Variants in BRCA2 observed in about 807,000 individuals in gnomAD.
BRCA2 encodes the protein BRCA2 DNA repair associated.
BRCA2 carries 203 observed loss-of-function variants against 276.7 expected under a neutral mutation model. That is an observed-to-expected ratio of 0.73 (90% CI 0.65 to 0.82). The LOEUF (loss-of-function observed/expected upper bound fraction) is 0.82, where lower values mean the gene tolerates loss of function less well. BRCA2 is among the 40% of genes least tolerant of loss of function. BRCA2 has a pLI of 0.00. For missense variants in BRCA2, 3,920 were observed against 3,915.0 expected (o/e 1.00, Z -0.03); for synonymous variants, 1,289 against 1,338.4 (o/e 0.96, Z 0.81).
chr13:32,339,989 C>T lies in BRCA2; in HGVS notation c.5634C>T (p.Asn1878=), dbSNP rs80358784. ...DSFSKVIKEN[N]ENKSKICQTK... The stretch of plus-strand genomic sequence containing the variant: ...TCAGTAAAGTAATTAAGGAAAACAA[C>T]GAGAATAAATCAAAAATTTGCCAAA... The change falls in exon 11 of 27, where the codon AAC becomes AAT. Residue 1878 remains asparagine (N), a synonymous_variant. Coordinates refer to ENST00000380152, the MANE Select transcript of BRCA2 (RefSeq NM_000059.4). 4.3e-5 allele frequency: 70 copies of T among 1,611,650 alleles called. 1 individual carries two copies. Among genetic ancestry groups the T allele is most frequent in the Middle Eastern group, 3.3e-4 (2 of 6,066 alleles).
chr13:32,324,009 C>G (rs2072325324), intron 3 of BRCA2, among the ~76,000 whole-genome samples: 1 of 152,208 alleles, frequency 6.6e-6, no homozygotes, highest in African/African-American at 2.4e-5. Context: ...GTATTACTGT[C>G]TGCAACTCAC....
intron 24 of BRCA2, among the ~76,000 whole-genome samples, chr13:32,384,347 T>C (rs1162694529): frequency 1.3e-5 from 2 of 152,022 alleles, no homozygotes; most frequent in African/African-American, 2.4e-5. Flanking sequence ...AGAGGCCCCA[T>C]TGAAAGGATT....
At chr13:32,383,779 G>A (rs2072941286) in intron 24 of BRCA2, among the ~76,000 whole-genome samples, 1 of 152,028 alleles carries the variant, frequency 6.6e-6, no homozygotes, top group African/African-American at 2.4e-5. Flanking sequence ...GGGTTTTAGA[G>A]GGAGTGAACT....
rs886040730 is a variant in BRCA2, at chr13:32,362,527, CTG to C, written c.7815_7816del (p.Cys2605Ter). ...ATTCTACTTTTATTTGTTCAGGGCT[CTG>C]TGTGACACTCCAGGTGTGGATCCAA... is the stretch of plus-strand genomic sequence containing the variant. ...KAGKEEFYRA[L>X]CDTPGVDPKL... On this transcript the variant is annotated frameshift_variant, in exon 17 of 27. Coordinates refer to ENST00000380152, the MANE Select transcript of BRCA2 (RefSeq NM_000059.4). LOFTEE classifies it high-confidence loss of function. 1 of 1,613,564 alleles carries C rather than the reference CTG, an allele frequency of 6.2e-7. No individual in the cohort carries two copies. Among genetic ancestry groups the C allele is most frequent in the Admixed American group, 1.7e-5 (1 of 60,006 alleles).
chr13:32,340,991 T>C lies in BRCA2; in HGVS notation c.6636T>C (p.Cys2212=). Residue 2212 remains cysteine (C), a synonymous_variant, in exon 11 of 27, where the codon TGT becomes TGC. Transcript: ENST00000380152. The stretch of plus-strand genomic sequence containing the variant: ...CTGTGAAAACAAATATAGAAGTTTG[T>C]TCTACTTACTCCAAAGATTCAGAAA... The part of the protein sequence containing the change: ...DVPVKTNIEV[C]STYSKDSENY... 1 of 1,611,240 alleles carries C rather than the reference T, an allele frequency of 6.2e-7. No individual in the cohort carries two copies. The highest frequency in any genetic ancestry group is 2.2e-5 in the East Asian group (1 of 44,812).
intron 13 of BRCA2, among the ~76,000 whole-genome samples, chr13:32,351,882 A>G (rs1399271450): frequency 6.6e-6 from 1 of 151,992 alleles, no homozygotes; most frequent in African/African-American, 2.4e-5. Context: ...GCTCACTGCA[A>G]CCTCTGCCTC....
In BRCA2 at chr13:32,337,854, A is replaced by G. The variant is rs276174834; in HGVS notation, c.3499A>G (p.Ile1167Val). Residue 1167 changes from isoleucine to valine, a missense_variant, in exon 11 of 27, where the codon ATA becomes GTA. Physicochemically the swap from Ile to Val is conservative, Grantham distance 29 (BLOSUM62 3). Transcript: ENST00000380152. Reference protein sequence around the residue: ...EECRDADLHVIMNAPSIGQVD... With the variant: ...EECRDADLHVVMNAPSIGQVD... ...ATGCAGAGATGCTGATCTTCATGTC[A>G]TAATGAATGCCCCATCGATTGGTCA... The G allele has an allele frequency of 2.5e-6, 4 of 1,614,126 alleles. No homozygotes were observed. The highest frequency in any genetic ancestry group is 3.4e-6 in the Non-Finnish European group (4 of 1,179,982).
At chr13:32,364,102 A>G (rs933644696) in intron 18 of BRCA2, among the ~76,000 whole-genome samples, 3 of 152,172 alleles carry the variant, frequency 2.0e-5, no homozygotes, top group African/African-American at 7.2e-5. Flanking sequence ...TAAGGTAAAG[A>G]TATATTTTGT....
intron 18 of BRCA2, among the ~76,000 whole-genome samples, chr13:32,369,104 G>A (rs967329149): frequency 1.3e-5 from 2 of 152,070 alleles, no homozygotes; most frequent in African/African-American, 4.8e-5. Context: ...CACAGCGCCC[G>A]GCCCAGTTTT....
rs1342778078 is a variant in BRCA2 at position 32,319,227 on chromosome 13, A to G, written c.218A>G (p.Gln73Arg). 6.2e-7 allele frequency: 1 copy of G among 1,613,676 alleles called. No individual in the cohort carries two copies. Among genetic ancestry groups the G allele is most frequent in the Non-Finnish European group, 8.5e-7 (1 of 1,179,662 alleles). ...KTPQRKPSYN[Q>R]LASTPIIFKE... ...CCACAAAGGAAACCATCTTATAATC[A>G]GCTGGCTTCAACTCCAATAATATTC... The change falls in exon 3 of 27, where the codon CAG becomes CGG. Residue 73 changes from glutamine (Q) to arginine (R), a missense_variant. Physicochemically the swap from Gln to Arg is conservative, Grantham distance 43 (BLOSUM62 1). Transcript: ENST00000380152.
intron 18 of BRCA2, among the ~76,000 whole-genome samples, chr13:32,365,448 T>A (rs1422718473): frequency 6.6e-6 from 1 of 152,194 alleles, no homozygotes; most frequent in Admixed American, 6.5e-5. Flanking sequence ...TGGCGTGACC[T>A]CTGCTCACTG....
chr13:32,381,997 G>C (rs2072927561), intron 24 of BRCA2, among the ~76,000 whole-genome samples: 1 of 152,174 alleles, frequency 6.6e-6, no homozygotes, highest in Admixed American at 6.5e-5. Flanking sequence ...CAGGAGCTCA[G>C]TTTTAGACAG....
At position 32,393,030 on chromosome 13, in the gene BRCA2, TG is replaced by T. The variant is rs11571812; in HGVS notation, c.9257-1658del. On this transcript the variant is annotated intron_variant, in intron 24 of 26. Transcript: ENST00000380152. The stretch of plus-strand genomic sequence containing the variant: ...GTCTGATGTTTTCTCATGACTAGGA[TG>T]AAGTTATGCATTTCTGGCAAGACTA... 0.011 allele frequency among the ~76,000 whole-genome samples: 1,631 copies of T among 152,338 alleles called. 28 individuals are homozygous for T. Among genetic ancestry groups the T allele is most frequent in the African/African-American group, 0.038 (1,562 of 41,574 alleles).
At position 32,400,100 on chromosome 13, in the gene BRCA2, T is replaced by A. The variant is rs1193325873; in HGVS notation, c.*1330T>A. ...TGTGCCCGGCCAATATTTGTTACTT[T>A]CTTAGGTTTAATAGAGAAAAGGGAT... On this transcript the variant is annotated 3_prime_UTR_variant, in exon 27 of 27. Coordinates refer to ENST00000380152, the MANE Select transcript of BRCA2 (RefSeq NM_000059.4). 6.6e-6 allele frequency: 1 copy of A among 152,236 alleles called. No homozygotes were observed. Among genetic ancestry groups the A allele is most frequent in the Non-Finnish European group, 1.5e-5 (1 of 68,046 alleles). The allele number at this position is 152,236 out of a possible 1,614,324, so 9.4% of individuals were successfully genotyped here.
intron 3 of BRCA2, among the ~76,000 whole-genome samples, chr13:32,323,145 T>C (rs1338087395): frequency 1.4e-5 from 2 of 143,122 alleles, no homozygotes; most frequent in Middle Eastern, 6.5e-3. Context: ...TTGTTTGTTT[T>C]ATTTAATTTT....
intron 3 of BRCA2, among the ~76,000 whole-genome samples, chr13:32,321,143 C>T (rs1214621666): frequency 6.6e-6 from 1 of 151,704 alleles, no homozygotes; most frequent in African/African-American, 2.4e-5. Context: ...ATGGAGGATT[C>T]AAAAAAAGGA....
At chr13:32,359,925 A>G (rs1289462020) in intron 16 of BRCA2, among the ~76,000 whole-genome samples, 1 of 152,230 alleles carries the variant, frequency 6.6e-6, no homozygotes, top group Non-Finnish European at 1.5e-5. Context: ...CCCTGCCCTG[A>G]TGAGTCATAC....
chr13:32,342,583 C>G (rs916088123), intron 11 of BRCA2, among the ~76,000 whole-genome samples: 3 of 152,082 alleles, frequency 2.0e-5, no homozygotes, highest in Admixed American at 6.5e-5. Flanking sequence ...CTTACACAAA[C>G]CTAGGTGGTA....
chr13:32,356,345 C>T (rs2072694196), intron 14 of BRCA2, 83 bp from the exon 15 acceptor site: 16 of 1,387,416 alleles, frequency 1.2e-5, no homozygotes, highest in East Asian at 2.3e-5. Context: ...GCTGGGATTA[C>T]AGGCGTGAGC....
Sources: allele counts gnomAD v4.1 joint callset (sites outside exome capture counted in the v4.1 genomes callset), GRCh38; gene constraint gnomAD v4.1.1; transcripts MANE v1.5; gene names NCBI Gene and HGNC (gene_info 2026-07-23, HGNC 2026-07-21).